Variants in EPOR observed in about 807,000 individuals in gnomAD.
EPOR encodes the protein erythropoietin receptor.
In EPOR, 20 loss-of-function variants were observed where a neutral mutation model predicts 34.3. The ratio of observed to expected loss-of-function variants is 0.58; its 90% CI spans 0.41 to 0.85. EPOR has a LOEUF of 0.85. Among genes scored for constraint, EPOR ranks in the 40% least tolerant of loss-of-function variants. The pLI, the probability that EPOR is intolerant of heterozygous loss-of-function variation, is 0.00. For missense variants in EPOR, 601 were observed against 672.7 expected (o/e 0.89, Z 1.18); for synonymous variants, 312 against 299.0 (o/e 1.04, Z -0.45).
Position 11,380,923 on chromosome 19 carries a change from A to G in EPOR, c.788T>C (p.Leu263Pro). ...CAGCGCGAGCACGGTCAGCAGCACC[A>G]GGATGACCACGAGGATGAGGGAGAG... ...LTLSLILVVI[L>P]VLLTVLALLS... is the part of the protein sequence containing the mutation. The change falls in exon 6 of 8, where the codon CTG (leucine) becomes CCG (proline). Residue 263 changes from leucine (L) to proline (P), a missense_variant. Physicochemically the swap from Leu to Pro is moderately conservative, Grantham distance 98. Transcript: ENST00000222139. 1.9e-6 allele frequency: 3 copies of G among 1,551,982 alleles called. No individual in the cohort carries two copies. The highest frequency in any genetic ancestry group is 2.6e-6 in the Non-Finnish European group (3 of 1,147,082).
At position 11,382,125 on chromosome 19, in the gene EPOR, A is replaced by G; in HGVS notation, c.252-20T>C. 1 of 1,609,950 alleles carries G rather than the reference A, an allele frequency of 6.2e-7. No individual in the cohort carries two copies. Among genetic ancestry groups the G allele is most frequent in the East Asian group, 2.2e-5 (1 of 44,780 alleles). On this transcript the variant is annotated intron_variant, in intron 2 of 7. Coordinates refer to ENST00000222139, the MANE Select transcript of EPOR (RefSeq NM_000121.4). ...TCATCCCTATGCGCCCAGGGAAGGG[A>G]GCAGGTTGGGAGGGGGGACCGGGGA...
At chr19:11,379,339 T>C (rs974910733) in intron 6 of EPOR, among the ~76,000 whole-genome samples, 1 of 152,034 alleles carries the variant, frequency 6.6e-6, no homozygotes, top group African/African-American at 2.4e-5. Flanking sequence ...CCCAGCACTT[T>C]GAGAGGCTGA....
Position 11,381,640 on chromosome 19 carries a change from T to G in EPOR, c.585+52A>C, listed in dbSNP as rs1428781190. 1.0e-5 allele frequency: 16 copies of G among 1,550,612 alleles called. No individual in the cohort carries two copies. In the East Asian group the frequency reaches 3.4e-4, roughly 33 times the overall value. On this transcript the variant is annotated intron_variant, in intron 4 of 7. Transcript: ENST00000222139. This position sits in a 1 kb window ranked among gnomAD's most constrained non-coding sequence, Gnocchi z 5.3. The stretch of plus-strand genomic sequence containing the variant: ...CGGGCGCGACCTCGAGAGGCGTGGC[T>G]GGGCCGTAGTCAGTGGAGCTTTGGG...
Position 11,381,247 on chromosome 19 carries a change from A to C in EPOR, c.586-38T>G. The C allele has an allele frequency of 6.5e-7, 1 of 1,547,698 alleles. No homozygotes were observed. The highest frequency in any genetic ancestry group is 8.7e-7 in the Non-Finnish European group (1 of 1,146,176). On this transcript the variant is annotated intron_variant, in intron 4 of 7. Transcript: ENST00000222139. This position sits in a 1 kb window ranked among gnomAD's most constrained non-coding sequence, Gnocchi z 5.3. ...TCAGGGCGAGGGACGCGTAGCAGAC[A>C]AAAATAGATGACGTGGGGGCGGGCC... is the stretch of plus-strand genomic sequence containing the variant.
rs1156609910 is a variant in EPOR, at chr19:11,377,637, G to T, written c.*347C>A. On this transcript the variant is annotated 3_prime_UTR_variant, in exon 8 of 8. Transcript: ENST00000222139. ...TTAACATACTATTTTGTTATGTTAT[G>T]AGTAGCATTCAGATTGCAGATCCAG... 2 of 492,356 alleles carry T rather than the reference G, an allele frequency of 4.1e-6. No homozygotes were observed. Among genetic ancestry groups the T allele is most frequent in the Non-Finnish European group, 7.9e-6 (2 of 253,290 alleles). 30.5% of individuals were successfully genotyped at this position (492,356 alleles called of 1,614,324 possible). A position where few individuals can be genotyped will look rare whatever the true frequency, so the allele number is the denominator to read the frequency against.
chr19:11,382,218 TG>T (rs1836397678), intron 2 of EPOR, 113 bp from the exon 3 acceptor site: 3 of 839,192 alleles, frequency 3.6e-6, no homozygotes, highest in Non-Finnish European at 5.6e-6. Context: ...TGTGTGTGTG[TG>T]TGACAAGGTG....
In EPOR at chr19:11,381,067, A is replaced by C; in HGVS notation, c.728T>G (p.Leu243Arg). 1.2e-6 allele frequency: 2 copies of C among 1,602,462 alleles called. No individual in the cohort carries two copies. Among genetic ancestry groups the C allele is most frequent in the Non-Finnish European group, 1.7e-6 (2 of 1,174,714 alleles). The change falls in exon 5 of 8, where the codon CTG becomes CGG. Residue 243 changes from leucine to arginine, a missense_variant. By Grantham distance (102) the Leu-to-Arg change is moderately radical (BLOSUM62 -2). Transcript: ENST00000222139. The surrounding 1 kb of genome is among the most constrained non-coding windows in gnomAD (Gnocchi z 5.3). ...WSAWSEPVSL[L>R]TPSDLDPLIL... is the part of the protein sequence containing the mutation. Reference sequence around the variant, plus strand: ...GCCTGGGGCCTCACCGCTAGGCGTCAGCAGCGACACAGGCTCCGACCAGGC... The same window carrying C: ...GCCTGGGGCCTCACCGCTAGGCGTCCGCAGCGACACAGGCTCCGACCAGGC...
At chr19:11,382,838 A>G in intron 2 of EPOR, 1 of 1,473,344 alleles carries the variant, frequency 6.8e-7, no homozygotes, top group Non-Finnish European at 9.0e-7. Context: ...CGACGTAGTA[A>G]CGCCTTACCC....
chr19:11,380,920 A>C lies in EPOR; in HGVS notation c.791T>G (p.Val264Gly), dbSNP rs200458897. ...TLSLILVVIL[V>G]LLTVLALLSH... is the part of the protein sequence containing the mutation. Reference sequence around the variant, plus strand: ...GAGCAGCGCGAGCACGGTCAGCAGCACCAGGATGACCACGAGGATGAGGGA... The same window carrying C: ...GAGCAGCGCGAGCACGGTCAGCAGCCCCAGGATGACCACGAGGATGAGGGA... Residue 264 changes from valine (V) to glycine (G), a missense_variant, in exon 6 of 8, where the codon GTG becomes GGG. By Grantham distance (109) the Val-to-Gly change is moderately radical (BLOSUM62 -3). Transcript: ENST00000222139. 208 of 1,551,750 alleles carry C rather than the reference A, an allele frequency of 1.3e-4. 1 individual carries two copies. The highest frequency in any genetic ancestry group is 1.0e-3 in the South Asian group (86 of 84,080).
In EPOR at chr19:11,378,179, C is replaced by A; in HGVS notation, c.1332G>T (p.Glu444Asp). Residue 444 changes from glutamate (E) to aspartate (D), a missense_variant, in exon 8 of 8, where the codon GAG (glutamate) becomes GAT (aspartate). Glu to Asp is a conservative substitution (Grantham distance 45). Transcript: ENST00000222139. This position sits in a 1 kb window ranked among gnomAD's most constrained non-coding sequence, Gnocchi z 5.3. ...TTAGGTGGGGTGGGGTAGGGGGCAG[C>A]TCAGGGCACAGTGTCCATGGACGCA... is the stretch of plus-strand genomic sequence containing the variant. ...QLLRPWTLCP[E>D]LPPTPPHLKY... 1.2e-6 allele frequency: 2 copies of A among 1,614,096 alleles called. No homozygotes were observed. The highest frequency in any genetic ancestry group is 8.5e-7 in the Non-Finnish European group (1 of 1,180,030).
At position 11,378,458 on chromosome 19, in the gene EPOR, A is replaced by G; in HGVS notation, c.1053T>C (p.Asp351=). The stretch of plus-strand genomic sequence containing the variant: ...CCACTGGCTCCAGCAGGGGGCCCTC[A>G]TCATCTGTCCCCGGCTCCACTGCCT... ...TMQAVEPGTD[D]EGPLLEPVGS... is the part of the protein sequence containing the mutation. Residue 351 remains aspartate, a synonymous_variant, in exon 8 of 8, where the codon GAT becomes GAC. Coordinates refer to ENST00000222139, the MANE Select transcript of EPOR (RefSeq NM_000121.4). This position sits in a 1 kb window ranked among gnomAD's most constrained non-coding sequence, Gnocchi z 5.3. 1 of 1,614,136 alleles carries G rather than the reference A, an allele frequency of 6.2e-7. No individual in the cohort carries two copies. The highest frequency in any genetic ancestry group is 8.5e-7 in the Non-Finnish European group (1 of 1,180,012).
Position 11,377,851 on chromosome 19 carries a change from G to A in EPOR, c.*133C>T. 9.3e-7 allele frequency: 1 copy of A among 1,074,578 alleles called. No individual in the cohort carries two copies. The highest frequency in any genetic ancestry group is 1.3e-5 in the South Asian group (1 of 79,810). The allele number at this position is 1,074,578 out of a possible 1,614,324, so 66.6% of individuals were successfully genotyped here. A position where few individuals can be genotyped will look rare whatever the true frequency, so the allele number is the denominator to read the frequency against. ...TGCAAGGTTGTGGTTTCCTGAGCAG[G>A]ATGGATTGGGCAGACAAAATCAGCA... On this transcript the variant is annotated 3_prime_UTR_variant, in exon 8 of 8. Coordinates refer to ENST00000222139, the MANE Select transcript of EPOR (RefSeq NM_000121.4).
At chr19:11,382,551 T>C (rs1968377323) in intron 2 of EPOR, among the ~76,000 whole-genome samples, 1 of 152,008 alleles carries the variant, frequency 6.6e-6, no homozygotes, top group African/African-American at 2.4e-5. Flanking sequence ...TTAGTAGAGA[T>C]AGAGTTTCTC....
rs1365920074 is a variant in EPOR, at chr19:11,377,882, C to T, written c.*102G>A. ...TTGGGCAGACAAAATCAGCAATGCC[C>T]CTGCTCCTGAGAGAGGCCTCGCCAT... On this transcript the variant is annotated 3_prime_UTR_variant, in exon 8 of 8. Transcript: ENST00000222139. The T allele has an allele frequency of 3.4e-6, 5 of 1,450,596 alleles. No homozygotes were observed. Among genetic ancestry groups the T allele is most frequent in the Non-Finnish European group, 4.8e-6 (5 of 1,037,050 alleles). 89.9% of individuals were successfully genotyped at this position (1,450,596 alleles called of 1,614,324 possible).
rs2144697238 is a variant in EPOR, at chr19:11,381,160, C to T, written c.635G>A (p.Gly212Asp). ...GACGGCGAAGGTGTAGCGCGTCCGG[C>T]CCCGCAGGTTGCTCAGCACACACTC... ...RTECVLSNLR[G>D]RTRYTFAVRA... The change falls in exon 5 of 8, where the codon GGC becomes GAC. Residue 212 changes from glycine to aspartate, a missense_variant. By Grantham distance (94) the Gly-to-Asp change is moderately conservative (BLOSUM62 -1). Coordinates refer to ENST00000222139, the MANE Select transcript of EPOR (RefSeq NM_000121.4). The surrounding 1 kb of genome is among the most constrained non-coding windows in gnomAD (Gnocchi z 5.3). The T allele has an allele frequency of 6.4e-7, 1 of 1,554,942 alleles. No individual in the cohort carries two copies. Among genetic ancestry groups the T allele is most frequent in the African/African-American group, 1.4e-5 (1 of 73,534 alleles).
rs552682487 is a variant in EPOR, at chr19:11,383,990, A to C, written c.115+103T>G. The C allele has an allele frequency of 5.7e-5, 35 of 616,840 alleles. No individual in the cohort carries two copies. The highest frequency in any genetic ancestry group is 9.5e-5 in the Non-Finnish European group (34 of 357,152). 38.2% of individuals were successfully genotyped at this position (616,840 alleles called of 1,614,324 possible). ...CTTGGCCCCCAGGACCCGGTCAGGA[A>C]GTCCAGAAACAGGCATGGCCCCCAG... On this transcript the variant is annotated intron_variant, in intron 1 of 7. Coordinates refer to ENST00000222139, the MANE Select transcript of EPOR (RefSeq NM_000121.4). The surrounding 1 kb of genome is among the most constrained non-coding windows in gnomAD (Gnocchi z 4.9).
Position 11,382,588 on chromosome 19 carries a change from C to G in EPOR, c.252-483G>C, listed in dbSNP as rs537042106. ...ATGTTGGCCAGGCTGGTCTCAAACT[C>G]CCGACCTCAGGTGATCCGCCCGCCT... On this transcript the variant is annotated intron_variant, in intron 2 of 7. Transcript: ENST00000222139. 2.6e-5 allele frequency among the ~76,000 whole-genome samples: 4 copies of G among 152,232 alleles called. No homozygotes were observed. The South Asian group carries it at 8.3e-4, about 32-fold the overall frequency.
At chr19:11,379,395 A>C (rs1224493234) in intron 6 of EPOR, among the ~76,000 whole-genome samples, 1 of 152,118 alleles carries the variant, frequency 6.6e-6, no homozygotes, top group African/African-American at 2.4e-5. Context: ...CAGCCTGGCC[A>C]ACATGGTGGA....
At chr19:11,382,997 G>T in intron 2 of EPOR, 100 bp downstream of exon 2, 1 of 1,600,212 alleles carries the variant, frequency 6.2e-7, no homozygotes, top group East Asian at 2.2e-5. Context: ...AGGCGCCGTC[G>T]GGCCTCAAAC....
Sources: gnomAD v4.1 joint callset for allele counts (sites outside exome capture counted in the v4.1 genomes callset) on GRCh38, gnomAD v4.1.1 for gene constraint, Gnocchi (gnomAD v3.1) non-coding constraint, MANE v1.5 for transcripts, NCBI Gene and HGNC (gene_info 2026-07-23, HGNC 2026-07-21) for gene names.